Variants in DPH5 observed in about 807,000 individuals in gnomAD.
The protein encoded by DPH5 is diphthamide biosynthesis 5, also known as diphthine methyl ester synthase.
In DPH5, 31 loss-of-function variants were observed where a neutral mutation model predicts 31.6. The ratio of observed to expected loss-of-function variants is 0.98; its 90% CI spans 0.74 to 1.32. The LOEUF (loss-of-function observed/expected upper bound fraction) is 1.32. Among genes scored for constraint, DPH5 ranks in the 40% most tolerant of loss-of-function variants. The probability of loss-of-function intolerance (pLI) is 0.00; values close to 1 mark genes in which losing one functional copy is unlikely to be tolerated. For synonymous variants in DPH5, 120 were observed against 115.0 expected (o/e 1.04, Z -0.28); for missense variants, 309 against 335.7 (o/e 0.92, Z 0.62).
chr1:100,995,126 A>T lies in DPH5; in HGVS notation c.514T>A (p.Leu172Met). ...LLDIKVKEQSLENLIKGRKIY... is the reference protein window; with the variant it reads ...LLDIKVKEQSMENLIKGRKIY... ...ATAACTTACTTGATTAGATTTTCCA[A>T]AGACTGCTCCTTTACTTTGATGTCT... Residue 172 changes from leucine (L) to methionine (M), a missense_variant, in exon 6 of 8, where the codon TTG becomes ATG. By Grantham distance (15) the Leu-to-Met change is conservative. Coordinates refer to ENST00000370109, the MANE Select transcript of DPH5 (RefSeq NM_015958.3). 6.3e-7 allele frequency: 1 copy of T among 1,579,984 alleles called. No homozygotes were observed. Among genetic ancestry groups the T allele is most frequent in the Non-Finnish European group, 8.7e-7 (1 of 1,150,118 alleles).
chr1:101,007,177 A>C (rs1459899775), intron 4 of DPH5, among the ~76,000 whole-genome samples: 1 of 152,218 alleles, frequency 6.6e-6, no homozygotes, highest in East Asian at 1.9e-4. Context: ...TAAGTGTTGA[A>C]TAAAAAGACT....
At chr1:101,025,565 G>C (rs1427678070) in intron 1 of DPH5, 99 bp from the exon 2 acceptor site, 1 of 1,240,782 alleles carries the variant, frequency 8.1e-7, no homozygotes, top group African/African-American at 1.5e-5. Context: ...AAGAGAAGAG[G>C]CAAGTCACAA....
At position 101,000,645 on chromosome 1, in the gene DPH5, A is replaced by C. The variant is rs536741225; in HGVS notation, c.490+822T>G. On this transcript the variant is annotated intron_variant, in intron 5 of 7. Coordinates refer to ENST00000370109, the MANE Select transcript of DPH5 (RefSeq NM_015958.3). The stretch of plus-strand genomic sequence containing the variant: ...TCTTCTGATTCCAAGTAGAAGTATC[A>C]TTGCAAAGTCATCAAAAATGTCAGT... Among the ~76,000 whole-genome samples the C allele has an allele frequency of 9.2e-5, 14 of 152,364 alleles. No homozygotes were observed. In the South Asian group the frequency reaches 2.9e-3, roughly 32 times the overall value.
chr1:100,999,480 T>C (rs1017343037), intron 5 of DPH5, among the ~76,000 whole-genome samples: 3 of 152,022 alleles, frequency 2.0e-5, no homozygotes, highest in Non-Finnish European at 4.4e-5. Context: ...AAAATTTATT[T>C]TGTTGCTTAA....
At chr1:101,002,440 AG>A (rs1658937733) in intron 4 of DPH5, among the ~76,000 whole-genome samples, 1 of 152,220 alleles carries the variant, frequency 6.6e-6, no homozygotes, top group Non-Finnish European at 1.5e-5. Flanking sequence ...TCCTACTCCT[AG>A]GGTTGTGAGG....
chr1:101,018,238 ATT>A (rs34464496), intron 3 of DPH5, among the ~76,000 whole-genome samples: 177 of 138,888 alleles, frequency 1.3e-3, no homozygotes, highest in African/African-American at 2.9e-3. Context: ...ACAAAATTTG[ATT>A]TTTTTTTTTT....
chr1:101,006,841 G>A (rs978176290), intron 4 of DPH5, among the ~76,000 whole-genome samples: 1 of 152,086 alleles, frequency 6.6e-6, no homozygotes, highest in African/African-American at 2.4e-5. Flanking sequence ...CAATACTCAA[G>A]GTCACTCATG....
intron 3 of DPH5, among the ~76,000 whole-genome samples, chr1:101,016,044 C>T (rs562484460): frequency 6.6e-6 from 1 of 152,160 alleles, no homozygotes; most frequent in Admixed American, 6.6e-5. Flanking sequence ...GTAAGAGTAG[C>T]ACTTTTAATT....
intron 6 of DPH5, among the ~76,000 whole-genome samples, chr1:100,994,222 T>G (rs1169202208): frequency 1.3e-5 from 2 of 151,870 alleles, no homozygotes; most frequent in Non-Finnish European, 2.9e-5. Context: ...TGTATTTAAC[T>G]TTCATAAAAT....
chr1:101,022,848 G>C (rs566492760), intron 2 of DPH5: 10 of 152,264 alleles, frequency 6.6e-5, no homozygotes, highest in African/African-American at 2.4e-4. Context: ...ACTTTGTGTA[G>C]CTATTATCTA....
chr1:101,006,001 T>TC (rs1558041143), intron 4 of DPH5, among the ~76,000 whole-genome samples: 1 of 151,932 alleles, frequency 6.6e-6, no homozygotes, highest in Non-Finnish European at 1.5e-5. Flanking sequence ...TAAAGGGATT[T>TC]CCCCCGTTTA....
At chr1:101,015,497 A>G (rs1221452945) in intron 3 of DPH5, among the ~76,000 whole-genome samples, 1 of 152,214 alleles carries the variant, frequency 6.6e-6, no homozygotes, top group Admixed American at 6.5e-5. Flanking sequence ...TTCCACTTAC[A>G]GCGCACAGGG....
At chr1:101,013,389 T>C (rs929203719) in intron 4 of DPH5, among the ~76,000 whole-genome samples, 2 of 152,212 alleles carry the variant, frequency 1.3e-5, no homozygotes, top group Non-Finnish European at 2.9e-5. Context: ...AAAACAATAC[T>C]ATATGAAAAA....
At chr1:101,017,368 CTGTG>C (rs35422090) in intron 3 of DPH5, among the ~76,000 whole-genome samples, 17,271 of 152,022 alleles carry the variant, frequency 0.11, 1,024 homozygotes, top group Middle Eastern at 0.2. Context: ...TATTTGGTTA[CTGTG>C]TGTAATTAGG....
At chr1:101,018,531 C>A (rs762306808) in intron 3 of DPH5, among the ~76,000 whole-genome samples, 1 of 152,156 alleles carries the variant, frequency 6.6e-6, no homozygotes, top group Admixed American at 6.5e-5. Context: ...TGAGCCACTG[C>A]GCCGGCTGGT....
chr1:101,025,167 G>T, intron 2 of DPH5, 142 bp downstream of exon 2: 1 of 1,016,810 alleles, frequency 9.8e-7, no homozygotes, highest in Non-Finnish European at 1.4e-6. Flanking sequence ...CCATTCTTCT[G>T]CTCCTCAGAT....
intron 2 of DPH5, among the ~76,000 whole-genome samples, chr1:101,022,010 C>T (rs1288938945): frequency 6.6e-6 from 1 of 152,152 alleles, no homozygotes; most frequent in Non-Finnish European, 1.5e-5. Flanking sequence ...GAACTCTTAA[C>T]ATCTGAGGCT....
At chr1:100,998,996 T>C (rs1034640200) in intron 5 of DPH5, among the ~76,000 whole-genome samples, 2 of 152,168 alleles carry the variant, frequency 1.3e-5, no homozygotes, top group Non-Finnish European at 2.9e-5. Context: ...ATAGATAATA[T>C]ATAAATGAAG....
chr1:101,001,093 A>C (rs923456361), intron 5 of DPH5, among the ~76,000 whole-genome samples: 2 of 152,206 alleles, frequency 1.3e-5, no homozygotes, highest in African/African-American at 2.4e-5. Context: ...TCAATACTGC[A>C]GTATTCAAAG....
Sources: allele counts gnomAD v4.1 joint callset (sites outside exome capture counted in the v4.1 genomes callset), GRCh38; gene constraint gnomAD v4.1.1; transcripts MANE v1.5; gene names NCBI Gene and HGNC (gene_info 2026-07-23, HGNC 2026-07-21).